The following SFTPD variants were observed in gnomAD, a reference collection of about 807,000 sequenced individuals.
The protein encoded by SFTPD is pulmonary surfactant-associated protein D.
In SFTPD, 18 loss-of-function variants were observed where a neutral mutation model predicts 34.6. That is an observed-to-expected ratio of 0.52 (90% confidence interval 0.36 to 0.77). The LOEUF (loss-of-function observed/expected upper bound fraction) is 0.77, where lower values mean the gene tolerates loss of function less well. SFTPD is among the 30% of genes least tolerant of loss of function. The pLI is 0.00. For synonymous variants in SFTPD, 155 were observed against 180.9 expected (o/e 0.86, Z 1.15); for missense variants, 433 against 468.9 (o/e 0.92, Z 0.71).
intron 1 of SFTPD, among the ~76,000 whole-genome samples, chr10:79,974,400 C>T (rs1163681573): frequency 6.6e-6 from 1 of 151,984 alleles, no homozygotes; most frequent in Non-Finnish European, 1.5e-5. Context: ...CTGCCCGCCT[C>T]AGCCTCCCAA....
intron 5 of SFTPD, 73 bp downstream of exon 5, chr10:79,941,881 T>G (rs1589333765): frequency 2.2e-6 from 2 of 928,012 alleles, no homozygotes; most frequent in Non-Finnish European, 3.5e-6. Flanking sequence ...GTGGAGGGGG[T>G]GTAGGCATTG....
rs867124550 is a variant in SFTPD, at chr10:79,937,903, C to CT, written c.1076dup (p.Trp360ValfsTer3). Reference sequence around the variant, plus strand: ...TTTCTCCACAAGCCCTGTCATTCCACTTGCCATTGGTGAAGATCTCCACAC... The same window carrying CT: ...TTTCTCCACAAGCCCTGTCATTCCACTTTGCCATTGGTGAAGATCTCCACAC... On this transcript the variant is annotated frameshift_variant, in exon 8 of 8. Coordinates refer to ENST00000372292, the MANE Select transcript of SFTPD (RefSeq NM_003019.5). LOFTEE classifies it high-confidence loss of function. 4 of 1,584,198 alleles carry CT rather than the reference C, an allele frequency of 2.5e-6. No individual in the cohort carries two copies. In the African/African-American group the frequency reaches 5.4e-5, roughly 21 times the overall value.
At chr10:79,963,670 G>A (rs75327812) in intron 1 of SFTPD, among the ~76,000 whole-genome samples, 33 of 152,092 alleles carry the variant, frequency 2.2e-4, no homozygotes, top group African/African-American at 7.7e-4. Flanking sequence ...AATCTCCTTT[G>A]TCCCTGTTTC....
chr10:79,954,015 T>A (rs1038104030), upstream of SFTPD, among the ~76,000 whole-genome samples: 7 of 145,286 alleles, frequency 4.8e-5, no homozygotes, highest in East Asian at 2.2e-4. Context: ...TTTTTTTTTT[T>A]ATATAGTTTT....
chr10:79,957,009 A>ACAGCCACTGCTGTTCTG, intron 1 of SFTPD, among the ~76,000 whole-genome samples: 1 of 138,736 alleles, frequency 7.2e-6, no homozygotes, highest in South Asian at 2.7e-4. Flanking sequence ...CCGCTGTTCT[A>ACAGCCACTGCTGTTCTG]CAGCCACCGC....
Position 79,965,539 on chromosome 10 carries a change from C to CTTT in SFTPD, c.36+17033_36+17035dup, listed in dbSNP as rs149878455. 3.4e-3 allele frequency among the ~76,000 whole-genome samples: 381 copies of CTTT among 113,464 alleles called. 15 individuals are homozygous for CTTT. The highest frequency in any genetic ancestry group is 0.012 in the African/African-American group (311 of 26,680). The allele number at this position is 113,464 out of a possible 152,430, so 74.4% of individuals were successfully genotyped here. On this transcript the variant is annotated intron_variant, in intron 1 of 5. Transcript: ENST00000444384. ...TTTACCACTATTTCATTTTATTTTTCTTTTTTTTTTTTTAATTTTTTATTT... is the reference window on the plus strand; with the variant it reads ...TTTACCACTATTTCATTTTATTTTTCTTTTTTTTTTTTTTTTAATTTTTTATTT...
intron 1 of SFTPD, among the ~76,000 whole-genome samples, chr10:79,958,647 G>A (rs1404628343): frequency 1.3e-5 from 2 of 152,148 alleles, no homozygotes; most frequent in Non-Finnish European, 2.9e-5. Flanking sequence ...CATAAAGCAA[G>A]TCCTTAGTGA....
intron 2 of SFTPD, 74 bp downstream of exon 2, chr10:79,946,387 C>T (rs1279305661): frequency 5.3e-6 from 6 of 1,127,010 alleles, no homozygotes; most frequent in Non-Finnish European, 8.0e-6. Flanking sequence ...AACAAAGTAC[C>T]CAGAGTTGCT....
At chr10:79,977,302 G>A (rs912343205) in intron 1 of SFTPD, among the ~76,000 whole-genome samples, 1 of 152,298 alleles carries the variant, frequency 6.6e-6, no homozygotes, top group African/African-American at 2.4e-5. Context: ...CACTGTATTG[G>A]TGCTCTGCTC....
upstream of SFTPD, among the ~76,000 whole-genome samples, chr10:79,954,081 C>G (rs1737522034): frequency 6.6e-6 from 1 of 150,520 alleles, no homozygotes; most frequent in South Asian, 2.1e-4. Flanking sequence ...GATATTTTTT[C>G]ATTGCCTTTC....
intron 1 of SFTPD, among the ~76,000 whole-genome samples, chr10:79,961,918 G>T (rs2132514555): frequency 6.6e-6 from 1 of 150,580 alleles, no homozygotes; most frequent in East Asian, 2.0e-4. Flanking sequence ...TGATAGACTG[G>T]ATTAAGAAAA....
At chr10:79,982,169 G>T in intron 1 of SFTPD, 1 of 419,234 alleles carries the variant, frequency 2.4e-6, no homozygotes, top group South Asian at 6.4e-5. Flanking sequence ...GGCGGACATG[G>T]GCACCAAGCA....
At chr10:79,973,421 C>T (rs1842846551) in intron 1 of SFTPD, among the ~76,000 whole-genome samples, 1 of 151,666 alleles carries the variant, frequency 6.6e-6, no homozygotes, top group African/African-American at 2.4e-5. Flanking sequence ...AGTTCAAGAC[C>T]AGCCTGGCCA....
At chr10:79,954,842 G>A (rs1842729771) in intron 1 of SFTPD, among the ~76,000 whole-genome samples, 2 of 152,194 alleles carry the variant, frequency 1.3e-5, no homozygotes, top group Admixed American at 1.3e-4. Flanking sequence ...AGTCCACAGT[G>A]CAGAGTCTAA....
At chr10:79,938,854 T>C (rs971292486) in intron 7 of SFTPD, among the ~76,000 whole-genome samples, 1 of 152,154 alleles carries the variant, frequency 6.6e-6, no homozygotes, top group Non-Finnish European at 1.5e-5. Flanking sequence ...AGTATGCACA[T>C]GGATGATGTC....
intron 1 of SFTPD, chr10:79,970,513 CTT>C (rs1459926162): frequency 6.6e-6 from 1 of 152,010 alleles, no homozygotes; most frequent in African/African-American, 2.4e-5. Context: ...CATGGGATAT[CTT>C]TTCATTTTTG....
Position 79,977,899 on chromosome 10 carries a change from C to A in SFTPD, c.36+4676G>T, listed in dbSNP as rs571647348. 3.3e-5 allele frequency among the ~76,000 whole-genome samples: 5 copies of A among 152,202 alleles called. No individual in the cohort carries two copies. The South Asian group carries it at 1.0e-3, about 32-fold the overall frequency. ...TAAAGAGATCTTGCATGATACCTCA[C>A]ATCTTTCATTTAACCTGTTCTCCAG... On this transcript the variant is annotated intron_variant, in intron 1 of 5. Transcript: ENST00000444384.
intron 7 of SFTPD, 106 bp downstream of exon 7, chr10:79,940,599 C>G: frequency 1.4e-6 from 1 of 711,728 alleles, no homozygotes; most frequent in South Asian, 1.7e-5. Context: ...GGCTCTGCCT[C>G]AGGTCCAGCC....
intron 1 of SFTPD, chr10:79,971,190 C>G (rs1051216961): frequency 2.0e-5 from 3 of 152,044 alleles, no homozygotes; most frequent in African/African-American, 7.2e-5. Context: ...ATATGTCAAA[C>G]CATCCCTGCA....
Sources: allele counts gnomAD v4.1 joint callset (sites outside exome capture counted in the v4.1 genomes callset), GRCh38; gene constraint gnomAD v4.1.1; transcripts MANE v1.5; gene names NCBI Gene and HGNC (gene_info 2026-07-23, HGNC 2026-07-21).